Variants in MALRD1 observed in about 807,000 individuals in gnomAD.
The protein encoded by MALRD1 is MAM and LDL-receptor class A domain-containing protein 1.
MALRD1 carries 247 observed loss-of-function variants against 242.1 expected under a neutral mutation model. The ratio of observed to expected loss-of-function variants is 1.02; its 90% CI spans 0.92 to 1.13. MALRD1 has a LOEUF of 1.13. Among genes scored for constraint, MALRD1 ranks in the 50% most tolerant of loss-of-function variants. The probability of loss-of-function intolerance (pLI) is 0.00; values close to 1 mark genes in which losing one functional copy is unlikely to be tolerated. For missense variants in MALRD1, 2,989 were observed against 2,533.1 expected, an observed-to-expected ratio of 1.18 and a Z score of -3.86; for synonymous variants, 995 against 866.6, an observed-to-expected ratio of 1.15 and a Z score of -2.60.
Position 19,136,600 on chromosome 10 carries a change from C to T in MALRD1, c.1230C>T (p.Ser410=). ...FKIIFEGTLL[S]QRSFIALDHL... ...TTATTTTTGAAGGGACTCTTTTGAG[C>T]CAGAGAAGTTTTATTGCCCTTGATC... Residue 410 remains serine, a synonymous_variant, in exon 10 of 40, where the codon AGC becomes AGT. Transcript: ENST00000454679. 1.6e-6 allele frequency: 2 copies of T among 1,231,394 alleles called. No homozygotes were observed. The highest frequency in any genetic ancestry group is 1.6e-5 in the African/African-American group (1 of 64,504). 76.3% of individuals were successfully genotyped at this position (1,231,394 alleles called of 1,614,324 possible).
At chr10:19,238,446 C>CAATATATATAATGTAT (rs1838539920) in intron 18 of MALRD1, among the ~76,000 whole-genome samples, 8 of 30,280 alleles carry the variant, frequency 2.6e-4, no homozygotes, top group African/African-American at 1.1e-3. Flanking sequence ...ATATAATATA[C>CAATATATATAATGTAT]ATTATATATA....
intron 20 of MALRD1, among the ~76,000 whole-genome samples, chr10:19,281,966 A>G (rs1221419509): frequency 6.8e-6 from 1 of 146,032 alleles, no homozygotes; most frequent in African/African-American, 2.5e-5. Context: ...ATGTCTCCAA[A>G]AAAAAAAAAA....
intron 28 of MALRD1, among the ~76,000 whole-genome samples, chr10:19,435,583 G>T (rs1382023217): frequency 6.6e-6 from 1 of 152,110 alleles, no homozygotes; most frequent in African/African-American, 2.4e-5. Context: ...AAAATGAATA[G>T]ATTGGGGTAA....
intron 29 of MALRD1, among the ~76,000 whole-genome samples, chr10:19,458,018 C>T (rs1835749109): frequency 6.6e-6 from 1 of 151,998 alleles, no homozygotes; most frequent in South Asian, 2.1e-4. Context: ...ATAGCAGTTT[C>T]TTTCTTTACC....
At chr10:19,545,481 C>A (rs1186149816) in intron 32 of MALRD1, among the ~76,000 whole-genome samples, 3 of 152,090 alleles carry the variant, frequency 2.0e-5, no homozygotes, top group African/African-American at 7.2e-5. Flanking sequence ...AATTATTTTT[C>A]CTTACGTAAT....
rs897644051 is a variant in MALRD1 at position 19,116,714 on chromosome 10, C to T, written c.695-6778C>T. On this transcript the variant is annotated intron_variant, in intron 5 of 39. Coordinates refer to ENST00000454679, the MANE Select transcript of MALRD1 (RefSeq NM_001142308.3). ...TGAAATGGTTGGCAAAGCCTTATTC[C>T]ACTAATCATGTATCACTGATGGAGG... Among the ~76,000 whole-genome samples, 7 of 152,116 alleles carry T rather than the reference C, an allele frequency of 4.6e-5. No homozygotes were observed. In the East Asian group the frequency reaches 1.2e-3, roughly 25 times the overall value.
chr10:19,122,529 C>T (rs770170896), intron 5 of MALRD1, among the ~76,000 whole-genome samples: 6 of 151,982 alleles, frequency 3.9e-5, no homozygotes, highest in Admixed American at 1.3e-4. Context: ...AGGGCATCCT[C>T]AGGGCTCACC....
intron 36 of MALRD1, among the ~76,000 whole-genome samples, chr10:19,642,725 T>C (rs1365489569): frequency 6.6e-6 from 1 of 152,160 alleles, no homozygotes; most frequent in Non-Finnish European, 1.5e-5. Context: ...ATCTGAGGCT[T>C]CTGAAATTTG....
At chr10:19,574,525 A>T (rs1836710103) in intron 33 of MALRD1, among the ~76,000 whole-genome samples, 1 of 152,186 alleles carries the variant, frequency 6.6e-6, no homozygotes, top group East Asian at 1.9e-4. Flanking sequence ...AGAAAGAGAG[A>T]GAATGAATTT....
At chr10:19,282,957 G>T (rs1252399646) in intron 20 of MALRD1, 62 bp from the exon 21 acceptor site, 1 of 1,247,888 alleles carries the variant, frequency 8.0e-7, no homozygotes, top group Non-Finnish European at 1.1e-6. Context: ...TGCTGATTAA[G>T]ATTGTACAGA....
chr10:19,656,767 C>G (rs938970646), intron 36 of MALRD1, among the ~76,000 whole-genome samples: 2 of 152,114 alleles, frequency 1.3e-5, no homozygotes. Flanking sequence ...ATTAGGGTGT[C>G]TATCAGCTTG....
chr10:19,584,549 T>G (rs1428070471), intron 33 of MALRD1, among the ~76,000 whole-genome samples: 1 of 152,216 alleles, frequency 6.6e-6, no homozygotes, highest in African/African-American at 2.4e-5. Flanking sequence ...GTGAGTTTCT[T>G]AATCCTGAGT....
At chr10:19,615,956 A>T (rs546762121) in intron 36 of MALRD1, 33 bp downstream of exon 36, 2 of 1,477,680 alleles carry the variant, frequency 1.4e-6, no homozygotes, top group South Asian at 2.5e-5. Flanking sequence ...TTTTTTTAAG[A>T]TTTTTTGGAG....
chr10:19,718,717 C>T (rs541825737), intron 38 of MALRD1, among the ~76,000 whole-genome samples: 4 of 152,254 alleles, frequency 2.6e-5, no homozygotes, highest in South Asian at 2.1e-4. Context: ...GTACATGCAT[C>T]GTCATTTAAC....
intron 36 of MALRD1, among the ~76,000 whole-genome samples, chr10:19,687,910 A>T (rs555551844): frequency 1.1e-4 from 15 of 137,380 alleles, no homozygotes; most frequent in African/African-American, 3.6e-4. Flanking sequence ...TTATTTTTTT[A>T]ATGTTATGTT....
At chr10:19,221,164 G>A (rs982570168) in intron 18 of MALRD1, among the ~76,000 whole-genome samples, 7 of 151,842 alleles carry the variant, frequency 4.6e-5, no homozygotes, top group African/African-American at 1.7e-4. Context: ...TCATTTGTGG[G>A]GTGTGTCTTA....
rs1002459063 is a variant in MALRD1, at chr10:19,306,485, T to C, written c.3420-17464T>C. On this transcript the variant is annotated intron_variant, in intron 21 of 39. Transcript: ENST00000454679. The stretch of plus-strand genomic sequence containing the variant: ...TCGTATATGTACCGTGTATAGTATA[T>C]ATAGTGTCGTATATGTACTGTGTAT... 2.4e-4 allele frequency among the ~76,000 whole-genome samples: 34 copies of C among 141,764 alleles called. 2 individuals carry two copies. Among genetic ancestry groups the C allele is most frequent in the Admixed American group, 1.3e-3 (17 of 13,564 alleles). 93.0% of individuals were successfully genotyped at this position (141,764 alleles called of 152,430 possible).
At chr10:19,464,084 T>A (rs1389778469) in intron 29 of MALRD1, among the ~76,000 whole-genome samples, 1 of 152,210 alleles carries the variant, frequency 6.6e-6, no homozygotes, top group East Asian at 1.9e-4. Flanking sequence ...TGCTAGTTTA[T>A]TTGAGTTCAT....
At chr10:19,217,322 C>T (rs1407916278) in intron 18 of MALRD1, among the ~76,000 whole-genome samples, 1 of 152,096 alleles carries the variant, frequency 6.6e-6, no homozygotes, top group African/African-American at 2.4e-5. Context: ...GTCCAGAGTT[C>T]ATTCTCTTTT....
Sources: allele counts gnomAD v4.1 joint callset (sites outside exome capture counted in the v4.1 genomes callset), GRCh38; gene constraint gnomAD v4.1.1; transcripts MANE v1.5; gene names NCBI Gene and HGNC (gene_info 2026-07-23, HGNC 2026-07-21).